ZNF620: variants seen among roughly 807,000 people sequenced by gnomAD.
ZNF620 encodes zinc finger protein 620.
ZNF620 carries 10 observed loss-of-function variants against 13.3 expected under a neutral mutation model. The observed-to-expected ratio is 0.75, with a 90% CI of 0.46 to 1.28. The LOEUF (loss-of-function observed/expected upper bound fraction) is 1.28. Among genes scored for constraint, ZNF620 ranks in the 50% most tolerant of loss-of-function variants. The pLI, the probability that ZNF620 is intolerant of heterozygous loss-of-function variation, is 0.00. For missense variants in ZNF620, 461 were observed against 500.2 expected (o/e 0.92, Z 0.75); for synonymous variants, 166 against 177.6 (o/e 0.93, Z 0.52).
intron 1 of ZNF620, 59 bp from the exon 2 acceptor site, chr3:40,506,245 G>T: frequency 7.0e-7 from 1 of 1,418,666 alleles, no homozygotes; most frequent in Admixed American, 1.8e-5. Context: ...AGCACAGAGG[G>T]CATTTGCGGG....
rs761876734 is a variant in ZNF620 at position 40,516,273 on chromosome 3, A to T, written c.679A>T (p.Lys227Ter). Residue 227 changes from lysine (K) to a stop codon, truncating the protein, a stop_gained, in exon 5 of 5, where the codon AAA (lysine) becomes TAA (stop). Transcript: ENST00000314529. LOFTEE classifies it low-confidence loss of function (END_TRUNC). ...CACTGGTGAAAAGTCTTTTGAATGC[A>T]AAGAATGTGGAAAATACTTCAGATA... ...CHTGEKSFEC[K>*]ECGKYFRYNS... 1.6e-5 allele frequency: 26 copies of T among 1,614,172 alleles called. No homozygotes were observed. Among genetic ancestry groups the T allele is most frequent in the Non-Finnish European group, 2.1e-5 (25 of 1,180,042 alleles).
At chr3:40,511,390 G>A in intron 2 of ZNF620, 80 bp from the exon 3 acceptor site, 1 of 1,554,440 alleles carries the variant, frequency 6.4e-7, no homozygotes, top group Non-Finnish European at 8.7e-7. Flanking sequence ...AATACCACTA[G>A]ACCCAGTAGA....
chr3:40,507,240 C>T lies in ZNF620; in HGVS notation c.24+864C>T, dbSNP rs144805490. 2.8e-3 allele frequency among the ~76,000 whole-genome samples: 424 copies of T among 151,926 alleles called. 1 individual carries two copies. Among genetic ancestry groups the T allele is most frequent in the African/African-American group, 8.1e-3 (334 of 41,446 alleles). ...CCGAGTAGCTGGGACTACAAGCACG[C>T]GCCACCACACCCAGCTAATTTTTGT... On this transcript the variant is annotated intron_variant, in intron 2 of 4. Transcript: ENST00000314529.
At chr3:40,511,654 T>G in intron 3 of ZNF620, 58 bp downstream of exon 3, 1 of 1,568,650 alleles carries the variant, frequency 6.4e-7, no homozygotes, top group South Asian at 1.2e-5. Flanking sequence ...GCTTCTTTAT[T>G]CCTTAGAACT....
In ZNF620 at chr3:40,511,342, C is replaced by A. The variant is rs116124812; in HGVS notation, c.25-128C>A. On this transcript the variant is annotated intron_variant, in intron 2 of 4. Coordinates refer to ENST00000314529, the MANE Select transcript of ZNF620 (RefSeq NM_175888.4). Reference sequence around the variant, plus strand: ...TGGTGCGGGCAAAGATGGCTGAGGGCTGGCCTCATGGTGGAGTGCTGGATA... The same window carrying A: ...TGGTGCGGGCAAAGATGGCTGAGGGATGGCCTCATGGTGGAGTGCTGGATA... The A allele has an allele frequency of 1.1e-3, 1,428 of 1,312,718 alleles. 13 individuals are homozygous for A. In the African/African-American group the frequency reaches 0.019, roughly 18 times the overall value. The allele number at this position is 1,312,718 out of a possible 1,614,324, so 81.3% of individuals were successfully genotyped here.
Position 40,515,911 on chromosome 3 carries a change from C to T in ZNF620, c.317C>T (p.Ser106Phe), listed in dbSNP as rs750649820. ...KEGLTPKDHV[S>F]KETESFRLMV... ...GGATTAACTCCAAAGGATCATGTGTCCAAAGAAACAGAGTCCTTCAGACTG... is the reference window on the plus strand; with the variant it reads ...GGATTAACTCCAAAGGATCATGTGTTCAAAGAAACAGAGTCCTTCAGACTG... The change falls in exon 5 of 5, where the codon TCC becomes TTC. Residue 106 changes from serine to phenylalanine, a missense_variant. Physicochemically the swap from Ser to Phe is radical, Grantham distance 155. Transcript: ENST00000314529. 1.2e-5 allele frequency: 19 copies of T among 1,613,528 alleles called. 1 individual carries two copies. The South Asian group carries it at 1.9e-4, about 16-fold the overall frequency.
chr3:40,510,913 C>A (rs775497991), intron 2 of ZNF620, among the ~76,000 whole-genome samples: 3 of 152,030 alleles, frequency 2.0e-5, no homozygotes, highest in East Asian at 3.9e-4. Context: ...CCACACTTGG[C>A]GAATTTTTGT....
At position 40,513,314 on chromosome 3, in the gene ZNF620, AAAATATATATAT is replaced by A. The variant is rs1325036653; in HGVS notation, c.265+801_265+812del. 6.8e-4 allele frequency among the ~76,000 whole-genome samples: 46 copies of A among 67,868 alleles called. 2 individuals are homozygous for A. Among genetic ancestry groups the A allele is most frequent in the Admixed American group, 1.3e-3 (9 of 6,844 alleles). The allele number at this position is 67,868 out of a possible 152,430, so 44.5% of individuals were successfully genotyped here. A position where few individuals can be genotyped will look rare whatever the true frequency, so the allele number is the denominator to read the frequency against. On this transcript the variant is annotated intron_variant, in intron 4 of 4. Transcript: ENST00000314529. ...ACCCCGTCTCAACTAAAAAAAAAAA[AAAATATATATAT>A]ATATATATATATATATATATATATA...
Position 40,515,825 on chromosome 3 carries a change from CAG to C in ZNF620, c.266-34_266-33del, listed in dbSNP as rs1698359585. The C allele has an allele frequency of 3.4e-6, 5 of 1,458,846 alleles. No individual in the cohort carries two copies. The South Asian group carries it at 6.4e-5, about 19-fold the overall frequency. 90.4% of individuals were successfully genotyped at this position (1,458,846 alleles called of 1,614,324 possible). ...GTGTGTGTGTGTGTGTGTGTGATAT[CAG>C]GGACTGACATTTGTATTTTCTTTTT... On this transcript the variant is annotated intron_variant, in intron 4 of 4. Coordinates refer to ENST00000314529, the MANE Select transcript of ZNF620 (RefSeq NM_175888.4).
chr3:40,509,280 G>A (rs1446781755), intron 2 of ZNF620, among the ~76,000 whole-genome samples: 1 of 151,728 alleles, frequency 6.6e-6, no homozygotes, highest in Non-Finnish European at 1.5e-5. Flanking sequence ...CACCCAGGCT[G>A]GAGTGCAATG....
At chr3:40,513,316 A>AAAATATATATATATATATATAT (rs1193351404) in intron 4 of ZNF620, among the ~76,000 whole-genome samples, 1 of 62,684 alleles carries the variant, frequency 1.6e-5, no homozygotes, top group African/African-American at 8.6e-5. Flanking sequence ...AAAAAAAAAA[A>AAAATATATATATATATATATAT]ATATATATAT....
rs1698225908 is a variant in ZNF620 at position 40,512,339 on chromosome 3, G to GC, written c.152-62dup. 3 of 1,366,278 alleles carry GC rather than the reference G, an allele frequency of 2.2e-6. No individual in the cohort carries two copies. The South Asian group carries it at 3.6e-5, about 16-fold the overall frequency. The allele number at this position is 1,366,278 out of a possible 1,614,324, so 84.6% of individuals were successfully genotyped here. A position where few individuals can be genotyped will look rare whatever the true frequency, so the allele number is the denominator to read the frequency against. On this transcript the variant is annotated intron_variant, in intron 3 of 4. Coordinates refer to ENST00000314529, the MANE Select transcript of ZNF620 (RefSeq NM_175888.4). ...GGCTCAGCAGATAAAGATAAAGGGG[G>GC]CTGCAAGAGGATCCTGGTTCCTGAT...
chr3:40,516,860 A>G lies in ZNF620; in HGVS notation c.1266A>G (p.Ala422=). The G allele has an allele frequency of 1.3e-6, 2 of 1,599,462 alleles. No homozygotes were observed. The highest frequency in any genetic ancestry group is 1.7e-6 in the Non-Finnish European group (2 of 1,170,908). Residue 422 remains alanine (A), a synonymous_variant, in exon 5 of 5, where the codon GCA becomes GCG. Coordinates refer to ENST00000314529, the MANE Select transcript of ZNF620 (RefSeq NM_175888.4). Reference sequence around the variant, plus strand: ...ACACTCAGAAGACACCTGTCCAAGCATAGGGCTATCCATAGTTAGGCCCAC... The same window carrying G: ...ACACTCAGAAGACACCTGTCCAAGCGTAGGGCTATCCATAGTTAGGCCCAC... ...KLHTQKTPVQ[A]
At position 40,516,490 on chromosome 3, in the gene ZNF620, A is replaced by C; in HGVS notation, c.896A>C (p.Gln299Pro). Residue 299 changes from glutamine to proline, a missense_variant, in exon 5 of 5, where the codon CAG becomes CCG. Physicochemically the swap from Gln to Pro is moderately conservative, Grantham distance 76. Coordinates refer to ENST00000314529, the MANE Select transcript of ZNF620 (RefSeq NM_175888.4). The part of the protein sequence containing the change: ...FSSSSVFLQH[Q>P]RFHTGEKLYE... The stretch of plus-strand genomic sequence containing the variant: ...AGCAGCTCTGTCTTCCTCCAGCACC[A>C]GAGGTTCCACACTGGGGAGAAGCTC... The C allele has an allele frequency of 6.2e-7, 1 of 1,614,158 alleles. No homozygotes were observed. The highest frequency in any genetic ancestry group is 8.5e-7 in the Non-Finnish European group (1 of 1,179,954).
rs554205700 is a variant in ZNF620, at chr3:40,517,792, A to G, written c.*929A>G. 3.3e-5 allele frequency: 5 copies of G among 152,360 alleles called. No individual in the cohort carries two copies. In the East Asian group the frequency reaches 5.8e-4, roughly 18 times the overall value. The allele number at this position is 152,360 out of a possible 1,614,324, so 9.4% of individuals were successfully genotyped here. On this transcript the variant is annotated 3_prime_UTR_variant, in exon 5 of 5. Transcript: ENST00000314529. ...TAAACCAGTAAATAAAAAGACAGATATATGGATTCCCTATTGCAGTCCGTA... is the reference window on the plus strand; with the variant it reads ...TAAACCAGTAAATAAAAAGACAGATGTATGGATTCCCTATTGCAGTCCGTA...
rs949940071 is a variant in ZNF620 at position 40,517,833 on chromosome 3, A to C, written c.*970A>C. The C allele has an allele frequency of 6.6e-6, 1 of 152,220 alleles. No individual in the cohort carries two copies. Among genetic ancestry groups the C allele is most frequent in the African/African-American group, 2.4e-5 (1 of 41,448 alleles). 9.4% of individuals were successfully genotyped at this position (152,220 alleles called of 1,614,324 possible). ...GCAGTCCGTACGTCAGAAGTCTCCTAAATTCAAAAACGGGCCCTGTCCATG... is the reference window on the plus strand; with the variant it reads ...GCAGTCCGTACGTCAGAAGTCTCCTCAATTCAAAAACGGGCCCTGTCCATG... On this transcript the variant is annotated 3_prime_UTR_variant, in exon 5 of 5. Coordinates refer to ENST00000314529, the MANE Select transcript of ZNF620 (RefSeq NM_175888.4).
rs1308665079 is a variant in ZNF620 at position 40,518,640 on chromosome 3, A to G, written c.*1777A>G. The G allele has an allele frequency of 6.6e-6, 1 of 151,108 alleles. No homozygotes were observed. The highest frequency in any genetic ancestry group is 1.9e-4 in the East Asian group (1 of 5,134). The allele number at this position is 151,108 out of a possible 1,614,324, so 9.4% of individuals were successfully genotyped here. A position where few individuals can be genotyped will look rare whatever the true frequency, so the allele number is the denominator to read the frequency against. On this transcript the variant is annotated 3_prime_UTR_variant, in exon 5 of 5. Transcript: ENST00000314529. ...CAGCTACTTGGGAGGCTGAGGCAGGAGCCCAGGGAGGCAGAGGTTGCAGTG... is the reference window on the plus strand; with the variant it reads ...CAGCTACTTGGGAGGCTGAGGCAGGGGCCCAGGGAGGCAGAGGTTGCAGTG...
chr3:40,507,442 A>G (rs1211995133), intron 2 of ZNF620, among the ~76,000 whole-genome samples: 6 of 151,080 alleles, frequency 4.0e-5, no homozygotes, highest in Non-Finnish European at 7.4e-5. Flanking sequence ...TATTAAACCA[A>G]CTCTGCGGTG....
rs144931172 is a variant in ZNF620, at chr3:40,511,148, G to T, written c.25-322G>T. 2.3e-3 allele frequency among the ~76,000 whole-genome samples: 344 copies of T among 152,266 alleles called. 2 individuals are homozygous for T. The highest frequency in any genetic ancestry group is 6.2e-3 in the African/African-American group (257 of 41,556). ...TGTTATTCACTGTGTTTATACAGATGTCCCCTGTGCATGTGCACACAAAAC... is the reference window on the plus strand; with the variant it reads ...TGTTATTCACTGTGTTTATACAGATTTCCCCTGTGCATGTGCACACAAAAC... On this transcript the variant is annotated intron_variant, in intron 2 of 4. Coordinates refer to ENST00000314529, the MANE Select transcript of ZNF620 (RefSeq NM_175888.4).
Sources: allele counts gnomAD v4.1 joint callset (sites outside exome capture counted in the v4.1 genomes callset), GRCh38; gene constraint gnomAD v4.1.1; transcripts MANE v1.5; gene names NCBI Gene and HGNC (gene_info 2026-07-23, HGNC 2026-07-21).